The following VWDE variants were observed in gnomAD, a reference collection of about 807,000 sequenced individuals.
The protein encoded by VWDE is von Willebrand factor D and EGF domains.
In VWDE, 207 loss-of-function variants were observed where a neutral mutation model predicts 178.4. The observed-to-expected ratio is 1.16, with a 90% confidence interval of 1.04 to 1.30. The LOEUF (loss-of-function observed/expected upper bound fraction) is 1.30. Ranked by LOEUF, VWDE falls within the 50% of genes most tolerant of loss-of-function variation. The pLI is 0.00. For missense variants in VWDE, 2,287 were observed against 1,901.3 expected (o/e 1.20, Z -3.77); for synonymous variants, 738 against 651.4 (o/e 1.13, Z -2.02).
At position 12,373,168 on chromosome 7, in the gene VWDE, A is replaced by C. The variant is rs1214846452; in HGVS notation, c.1396T>G (p.Trp466Gly). 1.9e-6 allele frequency: 3 copies of C among 1,551,376 alleles called. No homozygotes were observed. In the Admixed American group the frequency reaches 5.9e-5, roughly 30 times the overall value. The change falls in exon 10 of 29, where the codon TGG (tryptophan) becomes GGG (glycine). Residue 466 changes from tryptophan (W) to glycine (G), a missense_variant. Trp to Gly is a radical substitution (Grantham distance 184). Transcript: ENST00000275358. ...SRDFEVHVRQ[W>G]DCRSLHYPVS... ...GGATAGTGAAGGCTTCTGCAGTCCCACTGACGTACATGGACTTCAAAATCA... is the reference window on the plus strand; with the variant it reads ...GGATAGTGAAGGCTTCTGCAGTCCCCCTGACGTACATGGACTTCAAAATCA...
At chr7:12,398,149 G>A (rs1784713157) in intron 1 of VWDE, among the ~76,000 whole-genome samples, 1 of 152,120 alleles carries the variant, frequency 6.6e-6, no homozygotes, top group Admixed American at 6.6e-5. Context: ...CAAAGACATG[G>A]AATCAGCCAT....
rs1158933707 is a variant in VWDE, at chr7:12,374,716, T to A, written c.1289A>T (p.Asp430Val). ...GCCATCAAATGTAATTATATGTGGG[T>A]CAGTAAATGTATAGCAGTAAGCAGT... Reference protein sequence around the residue: ...VPTAYCYTFTDPHIITFDGRV... With the variant: ...VPTAYCYTFTVPHIITFDGRV... The change falls in exon 9 of 29, where the codon GAC becomes GTC. Residue 430 changes from aspartate to valine, a missense_variant. By Grantham distance (152) the Asp-to-Val change is radical. Transcript: ENST00000275358. 1 of 1,539,002 alleles carries A rather than the reference T, an allele frequency of 6.5e-7. No homozygotes were observed.
chr7:12,355,191 C>T (rs1445157340), intron 18 of VWDE, among the ~76,000 whole-genome samples: 2 of 151,844 alleles, frequency 1.3e-5, no homozygotes, highest in East Asian at 3.9e-4. Context: ...CTGAGATGGG[C>T]GGATCACGAG....
At chr7:12,357,984 G>A (rs1199207016) in intron 16 of VWDE, among the ~76,000 whole-genome samples, 2 of 151,980 alleles carry the variant, frequency 1.3e-5, no homozygotes, top group Non-Finnish European at 2.9e-5. Flanking sequence ...GTTTCTCGCT[G>A]TACTTGCCTC....
chr7:12,368,436 A>G (rs1357601073), intron 12 of VWDE, among the ~76,000 whole-genome samples: 4 of 152,038 alleles, frequency 2.6e-5, no homozygotes, highest in African/African-American at 9.7e-5. Context: ...AGTCATAAAG[A>G]TCTGTGGTGG....
In VWDE at chr7:12,377,814, T is replaced by A. The variant is rs1392292038; in HGVS notation, c.986A>T (p.Glu329Val). 1.3e-6 allele frequency: 2 copies of A among 1,525,164 alleles called. No individual in the cohort carries two copies. The highest frequency in any genetic ancestry group is 5.0e-5 in the East Asian group (2 of 40,402). The allele number at this position is 1,525,164 out of a possible 1,614,324, so 94.5% of individuals were successfully genotyped here. ...TTTCAGTTTTAATGAGATTTTGCATTCTTGATCAAGCTCACTAAATTCAGA... is the reference window on the plus strand; with the variant it reads ...TTTCAGTTTTAATGAGATTTTGCATACTTGATCAAGCTCACTAAATTCAGA... Reference protein sequence around the residue: ...ICSEFSELDQECKISLKLKTI... With the variant: ...ICSEFSELDQVCKISLKLKTI... Residue 329 changes from glutamate (E) to valine (V), a missense_variant, in exon 7 of 29, where the codon GAA becomes GTA. By Grantham distance (121) the Glu-to-Val change is moderately radical. Transcript: ENST00000275358.
Position 12,370,703 on chromosome 7 carries a change from T to C in VWDE, c.1749A>G (p.Gln583=). The C allele has an allele frequency of 6.4e-7, 1 of 1,551,168 alleles. No homozygotes were observed. The highest frequency in any genetic ancestry group is 8.7e-7 in the Non-Finnish European group (1 of 1,146,678). The change falls in exon 11 of 29, where the codon CAA becomes CAG. Residue 583 remains glutamine, a synonymous_variant. Coordinates refer to ENST00000275358, the MANE Select transcript of VWDE (RefSeq NM_001135924.3). ...ENDFHDKNGM[Q]IDQNFNNYVA... is the part of the protein sequence containing the mutation. The stretch of plus-strand genomic sequence containing the variant: ...CATAATTGTTAAAATTTTGATCAAT[T>C]TGCATCCCATTTTTGTCATGGAAAT...
chr7:12,374,904 A>G (rs1294277395), intron 8 of VWDE, 106 bp downstream of exon 8: 33 of 1,241,344 alleles, frequency 2.7e-5, no homozygotes, highest in Non-Finnish European at 3.5e-5. Flanking sequence ...TTTAAAAACT[A>G]ATTTACCAAA....
At chr7:12,383,501 A>T in intron 4 of VWDE, 35 bp downstream of exon 4, 2 of 1,501,356 alleles carry the variant, frequency 1.3e-6, no homozygotes, top group Non-Finnish European at 1.8e-6. Context: ...CTAGTTTATA[A>T]AAACACTATT....
At chr7:12,385,463 C>G (rs974276096) in intron 3 of VWDE, among the ~76,000 whole-genome samples, 1 of 152,158 alleles carries the variant, frequency 6.6e-6, no homozygotes, top group African/African-American at 2.4e-5. Flanking sequence ...TTAGCAGAAG[C>G]TCTCTTTCAC....
Position 12,377,806 on chromosome 7 carries a change from T to C in VWDE, c.994A>G (p.Ile332Val). The change falls in exon 7 of 29, where the codon ATC (isoleucine) becomes GTC (valine). Residue 332 changes from isoleucine (I) to valine (V), a missense_variant. Ile to Val is a conservative substitution (Grantham distance 29). Transcript: ENST00000275358. The stretch of plus-strand genomic sequence containing the variant: ...CCAATAGTTTTCAGTTTTAATGAGA[T>C]TTTGCATTCTTGATCAAGCTCACTA... Reference protein sequence around the residue: ...EFSELDQECKISLKLKTIGQG... With the variant: ...EFSELDQECKVSLKLKTIGQG... 1 of 1,516,782 alleles carries C rather than the reference T, an allele frequency of 6.6e-7. No homozygotes were observed. Among genetic ancestry groups the C allele is most frequent in the South Asian group, 1.3e-5 (1 of 77,908 alleles). 94.0% of individuals were successfully genotyped at this position (1,516,782 alleles called of 1,614,324 possible).
chr7:12,388,774 T>C (rs956489293), intron 3 of VWDE: 3 of 362,948 alleles, frequency 8.3e-6, no homozygotes, highest in African/African-American at 4.2e-5. Context: ...TGAAATAATA[T>C]AAAATGTATA....
At chr7:12,347,123 A>T (rs560471168) in intron 19 of VWDE, among the ~76,000 whole-genome samples, 2 of 152,260 alleles carry the variant, frequency 1.3e-5, no homozygotes, top group African/African-American at 4.8e-5. Context: ...AGTGCCCTGG[A>T]CTAGCAGTCC....
intron 4 of VWDE, 98 bp from the exon 5 acceptor site, chr7:12,380,831 T>A: frequency 7.4e-7 from 1 of 1,359,786 alleles, no homozygotes; most frequent in Non-Finnish European, 9.8e-7. Context: ...TGGTTTATCT[T>A]AAGAAAAAGC....
At chr7:12,346,538 T>G (rs1219360323) in intron 19 of VWDE, among the ~76,000 whole-genome samples, 1 of 151,880 alleles carries the variant, frequency 6.6e-6, no homozygotes, top group Non-Finnish European at 1.5e-5. Context: ...TTTACAAATG[T>G]GATAAAATCA....
chr7:12,343,007 T>C (rs772088918), intron 22 of VWDE, 76 bp downstream of exon 22: 2 of 1,116,294 alleles, frequency 1.8e-6, no homozygotes, highest in South Asian at 3.0e-5. Context: ...TTGGGTTCAT[T>C]TCACGTAGCA....
At chr7:12,337,988 G>T (rs1781130994) in intron 24 of VWDE, among the ~76,000 whole-genome samples, 1 of 152,108 alleles carries the variant, frequency 6.6e-6, no homozygotes, top group African/African-American at 2.4e-5. Flanking sequence ...AGGCAAGCCT[G>T]TCCAGAAAAT....
intron 19 of VWDE, 99 bp downstream of exon 19, chr7:12,351,474 C>T (rs370290898): frequency 1.2e-5 from 16 of 1,316,480 alleles, no homozygotes; most frequent in Middle Eastern, 2.3e-4. Flanking sequence ...GGTGATCTTT[C>T]TAAAAATAAA....
At chr7:12,393,503 C>G (rs1784483023) in intron 2 of VWDE, 91 bp downstream of exon 2, 1 of 1,098,058 alleles carries the variant, frequency 9.1e-7, no homozygotes. Flanking sequence ...AACATTTTAG[C>G]ATGAGAAATA....
Sources: allele counts gnomAD v4.1 joint callset (sites outside exome capture counted in the v4.1 genomes callset), GRCh38; gene constraint gnomAD v4.1.1; transcripts MANE v1.5; gene names NCBI Gene and HGNC (gene_info 2026-07-23, HGNC 2026-07-21).